WDR19: variants seen among roughly 807,000 people sequenced by gnomAD.
WDR19 encodes the protein WD repeat domain 19.
A neutral mutation model predicts 180.0 loss-of-function variants in WDR19; 121 were observed. The observed-to-expected ratio is 0.67, with a 90% confidence interval of 0.58 to 0.78. The LOEUF is 0.78. Among genes scored for constraint, WDR19 ranks in the 30% least tolerant of loss-of-function variants. WDR19 has a pLI of 0.00. For missense variants in WDR19, 1,450 were observed against 1,640.7 expected, an observed-to-expected ratio of 0.88 and a Z score of 2.01; for synonymous variants, 497 against 540.7, an observed-to-expected ratio of 0.92 and a Z score of 1.12.
chr4:39,267,275 T>C (rs943036709), intron 29 of WDR19, among the ~76,000 whole-genome samples: 1 of 152,172 alleles, frequency 6.6e-6, no homozygotes, highest in Non-Finnish European at 1.5e-5. Flanking sequence ...CTCAAGTCAC[T>C]GATTGGAAAC....
At chr4:39,267,484 C>T (rs894264062) in intron 29 of WDR19, among the ~76,000 whole-genome samples, 1 of 152,098 alleles carries the variant, frequency 6.6e-6, no homozygotes, top group Admixed American at 6.6e-5. Flanking sequence ...ATGCTCGCAG[C>T]TGTCTAGAGT....
At chr4:39,240,194 A>G in intron 20 of WDR19, 83 bp from the exon 21 acceptor site, 1 of 609,868 alleles carries the variant, frequency 1.6e-6, no homozygotes, top group South Asian at 3.9e-5. Context: ...AAAAAAAAAA[A>G]AAAAAAAAGG....
chr4:39,225,498 G>C (rs753005713), intron 15 of WDR19, among the ~76,000 whole-genome samples: 3 of 152,132 alleles, frequency 2.0e-5, no homozygotes, highest in Non-Finnish European at 4.4e-5. Context: ...TTAAAAATCA[G>C]TCACTCATAT....
intron 28 of WDR19, among the ~76,000 whole-genome samples, chr4:39,261,132 C>T (rs1250805511): frequency 2.7e-5 from 4 of 148,030 alleles, no homozygotes; most frequent in African/African-American, 9.8e-5. Context: ...TTGCCCACCA[C>T]CACACGCGGC....
intron 9 of WDR19, among the ~76,000 whole-genome samples, chr4:39,207,600 C>T (rs1375296254): frequency 6.6e-6 from 1 of 152,134 alleles, no homozygotes; most frequent in Non-Finnish European, 1.5e-5. Context: ...CCACAATATT[C>T]TTAAAGTGCT....
intron 31 of WDR19, among the ~76,000 whole-genome samples, 177 bp downstream of exon 31, chr4:39,270,277 G>A (rs960425807): frequency 2.0e-5 from 3 of 152,176 alleles, no homozygotes; most frequent in Non-Finnish European, 2.9e-5. Context: ...AATGAGGCAC[G>A]GGGCAGGAGG....
intron 36 of WDR19, among the ~76,000 whole-genome samples, chr4:39,284,068 C>T (rs188307815): frequency 1.9e-4 from 29 of 152,022 alleles, no homozygotes; most frequent in African/African-American, 5.3e-4. Flanking sequence ...ATTTTTTTAA[C>T]TTGGGATTTT....
intron 25 of WDR19, 48 bp from the exon 26 acceptor site, chr4:39,253,858 T>A (rs558636713): frequency 6.7e-7 from 1 of 1,488,556 alleles, no homozygotes; most frequent in Middle Eastern, 1.8e-4. Flanking sequence ...ATTTTGTAAA[T>A]CACAAATTTA....
chr4:39,280,930 CT>C (rs1736434506), intron 36 of WDR19, among the ~76,000 whole-genome samples: 11 of 152,104 alleles, frequency 7.2e-5, no homozygotes, highest in Admixed American at 7.2e-4. Context: ...CAGCTTCCTT[CT>C]TTTGCATGTA....
Position 39,231,836 on chromosome 4 carries a change from T to C in WDR19, c.2022T>C (p.Asp674=), listed in dbSNP as rs200776889. Residue 674 remains aspartate (D), a synonymous_variant, in exon 18 of 37, where the codon GAT becomes GAC. Transcript: ENST00000399820. ...DAWEMCRILN[D]EAAWNELARA... The stretch of plus-strand genomic sequence containing the variant: ...GGGAAATGTGCAGGATTCTGAATGA[T>C]GAGGCTGCCTGGAATGAGTTGGCCA... The C allele has an allele frequency of 2.0e-5, 32 of 1,602,266 alleles. 1 individual carries two copies. The South Asian group carries it at 2.5e-4, about 13-fold the overall frequency.
At chr4:39,249,606 A>C (rs1318284911) in intron 24 of WDR19, among the ~76,000 whole-genome samples, 1 of 152,258 alleles carries the variant, frequency 6.6e-6, no homozygotes, top group Non-Finnish European at 1.5e-5. Flanking sequence ...AGCAAGGCTA[A>C]TAAAGAACAA....
chr4:39,228,399 T>G, intron 16 of WDR19, 42 bp downstream of exon 16: 1 of 1,602,790 alleles, frequency 6.2e-7, no homozygotes, highest in Non-Finnish European at 8.5e-7. Context: ...CAGATGAATT[T>G]CCCATTGCAG....
At chr4:39,269,692 C>G (rs1046802718) in intron 30 of WDR19, among the ~76,000 whole-genome samples, 3 of 152,102 alleles carry the variant, frequency 2.0e-5, no homozygotes, top group African/African-American at 7.2e-5. Flanking sequence ...ACAAAAAACA[C>G]AAAAATTACC....
At position 39,205,668 on chromosome 4, in the gene WDR19, T is replaced by C. The variant is rs750215526; in HGVS notation, c.822T>C (p.His274=). Residue 274 remains histidine (H), a synonymous_variant, in exon 9 of 37, where the codon CAT becomes CAC. Coordinates refer to ENST00000399820, the MANE Select transcript of WDR19 (RefSeq NM_025132.4). ...LGQEIFQARN[H]KDNLTSIAVS... ...AAGAGATATTTCAGGCTCGTAACCATAAAGATAATCTAACCAGCATTGCAG... is the reference window on the plus strand; with the variant it reads ...AAGAGATATTTCAGGCTCGTAACCACAAAGATAATCTAACCAGCATTGCAG... The C allele has an allele frequency of 8.1e-6, 13 of 1,611,912 alleles. No individual in the cohort carries two copies. In the East Asian group the frequency reaches 2.5e-4, roughly 30 times the overall value.
At chr4:39,218,882 C>G (rs919384836) in intron 14 of WDR19, 3 of 150,706 alleles carry the variant, frequency 2.0e-5, no homozygotes, top group Non-Finnish European at 4.4e-5. Flanking sequence ...CTTTTTTTAA[C>G]TTTTAAACTT....
At chr4:39,258,927 AC>A (rs1386908108) in intron 28 of WDR19, among the ~76,000 whole-genome samples, 1 of 152,110 alleles carries the variant, frequency 6.6e-6, no homozygotes, top group African/African-American at 2.4e-5. Flanking sequence ...AATTAGCTGG[AC>A]ATAGTGGCGG....
At chr4:39,279,423 G>A (rs976539985) in intron 36 of WDR19, among the ~76,000 whole-genome samples, 11 of 152,186 alleles carry the variant, frequency 7.2e-5, no homozygotes, top group African/African-American at 2.4e-4. Flanking sequence ...AGGGCTCTCA[G>A]GCTATCTCCA....
intron 26 of WDR19, among the ~76,000 whole-genome samples, chr4:39,254,247 C>A (rs1298278715): frequency 2.0e-5 from 3 of 152,036 alleles, no homozygotes; most frequent in Non-Finnish European, 2.9e-5. Context: ...GGACTATTTT[C>A]AAAAATTAAG....
chr4:39,223,981 T>C (rs921729470), intron 14 of WDR19, among the ~76,000 whole-genome samples: 10 of 152,218 alleles, frequency 6.6e-5, no homozygotes, highest in Admixed American at 5.9e-4. Flanking sequence ...GAACACAGTA[T>C]ACCTCTCCAT....
Sources: gnomAD v4.1 joint callset for allele counts (sites outside exome capture counted in the v4.1 genomes callset) on GRCh38, gnomAD v4.1.1 for gene constraint, MANE v1.5 for transcripts, NCBI Gene and HGNC (gene_info 2026-07-23, HGNC 2026-07-21) for gene names.